The following CAMK2B variants were observed in gnomAD, a reference collection of about 807,000 sequenced individuals.
CAMK2B encodes the protein calcium/calmodulin dependent protein kinase II beta, also known as calcium/calmodulin-dependent protein kinase type II subunit beta.
In CAMK2B, 27 loss-of-function variants were observed where a neutral mutation model predicts 93.7. The observed-to-expected ratio is 0.29, with a 90% CI of 0.21 to 0.40. The LOEUF is 0.40. Ranked by LOEUF, CAMK2B falls within the 10% of genes least tolerant of loss-of-function variation. The probability of loss-of-function intolerance (pLI) is 1.00; values close to 1 mark genes in which losing one functional copy is unlikely to be tolerated. For missense variants in CAMK2B, 568 were observed against 895.8 expected (o/e 0.63, Z 4.67); for synonymous variants, 374 against 358.8 (o/e 1.04, Z -0.48).
At chr7:44,273,580 C>T (rs1239027139) in intron 2 of CAMK2B, among the ~76,000 whole-genome samples, 1 of 152,168 alleles carries the variant, frequency 6.6e-6, no homozygotes, top group African/African-American at 2.4e-5. Context: ...CCGACACATA[C>T]ACGTCCCACC....
intron 5 of CAMK2B, among the ~76,000 whole-genome samples, chr7:44,250,705 T>G (rs2096772501): frequency 6.6e-6 from 1 of 152,180 alleles, no homozygotes; most frequent in Non-Finnish European, 1.5e-5. Flanking sequence ...AATTTTTATA[T>G]TTTTAATAGA....
intron 1 of CAMK2B, among the ~76,000 whole-genome samples, chr7:44,317,248 GAAA>G (rs556397526): frequency 9.5e-6 from 1 of 105,152 alleles, no homozygotes; most frequent in Non-Finnish European, 2.0e-5. Context: ...CAGGAAAAAT[GAAA>G]AAAAAAAAAA....
At chr7:44,222,454 T>A (rs2003563) in intron 20 of CAMK2B, among the ~76,000 whole-genome samples, 2 of 151,784 alleles carry the variant, frequency 1.3e-5, no homozygotes, top group Admixed American at 6.6e-5. Context: ...TTTTTTTTTT[T>A]AGATGGAGTC....
In CAMK2B at chr7:44,271,461, T is replaced by A. The variant is rs145026573; in HGVS notation, c.161-8397A>T. 1.3e-4 allele frequency among the ~76,000 whole-genome samples: 20 copies of A among 152,302 alleles called. No homozygotes were observed. Among genetic ancestry groups the A allele is most frequent in the African/African-American group, 4.6e-4 (19 of 41,544 alleles). ...TTGACACCAGGCCAGTGGGGTCTGG[T>A]CTTTAATTCTGTTTGGCCATGACCT... is the stretch of plus-strand genomic sequence containing the variant. On this transcript the variant is annotated intron_variant, in intron 2 of 23. Coordinates refer to ENST00000395749, the MANE Select transcript of CAMK2B (RefSeq NM_001220.5). The surrounding 1 kb of genome is among the most constrained non-coding windows in gnomAD (Gnocchi z 4.2).
chr7:44,271,299 T>G lies in CAMK2B; in HGVS notation c.161-8235A>C, dbSNP rs1431347180. Among the ~76,000 whole-genome samples, 2 of 152,168 alleles carry G rather than the reference T, an allele frequency of 1.3e-5. No individual in the cohort carries two copies. The highest frequency in any genetic ancestry group is 2.9e-5 in the Non-Finnish European group (2 of 68,016). ...TGCACCCTGCCTGGTACCAACACACTTAACTCAAGCGTCCCAATTCACTTC... is the reference window on the plus strand; with the variant it reads ...TGCACCCTGCCTGGTACCAACACACGTAACTCAAGCGTCCCAATTCACTTC... On this transcript the variant is annotated intron_variant, in intron 2 of 23. Coordinates refer to ENST00000395749, the MANE Select transcript of CAMK2B (RefSeq NM_001220.5). This position sits in a 1 kb window ranked among gnomAD's most constrained non-coding sequence, Gnocchi z 4.2.
intron 1 of CAMK2B, among the ~76,000 whole-genome samples, chr7:44,323,144 C>T (rs889191071): frequency 1.3e-5 from 2 of 152,248 alleles, no homozygotes; most frequent in East Asian, 3.9e-4. Flanking sequence ...ACCCAAGAGC[C>T]GCCACAGCAG....
At chr7:44,240,551 G>T (rs1221818384) in intron 12 of CAMK2B, among the ~76,000 whole-genome samples, 156 bp downstream of exon 12, 3 of 152,250 alleles carry the variant, frequency 2.0e-5, no homozygotes, top group African/African-American at 7.2e-5. Context: ...AGCCCAGCGG[G>T]GCCAGGTGGG....
rs559232734 is a variant in CAMK2B at position 44,247,255 on chromosome 7, G to C, written c.342-63C>G. On this transcript the variant is annotated intron_variant, in intron 5 of 23. Coordinates refer to ENST00000395749, the MANE Select transcript of CAMK2B (RefSeq NM_001220.5). The stretch of plus-strand genomic sequence containing the variant: ...TGGGGAGCAGCAAGAGGAGGCACTG[G>C]GGGCAGGGGCAATGGTGCTGTGTGG... 4.7e-5 allele frequency: 64 copies of C among 1,365,450 alleles called. No individual in the cohort carries two copies. The South Asian group carries it at 7.2e-4, about 15-fold the overall frequency. 84.6% of individuals were successfully genotyped at this position (1,365,450 alleles called of 1,614,324 possible).
chr7:44,284,333 C>T, intron 1 of CAMK2B, 108 bp from the exon 2 acceptor site: 2 of 802,928 alleles, frequency 2.5e-6, no homozygotes, highest in Non-Finnish European at 4.0e-6. Flanking sequence ...CATTCAGCCA[C>T]CGGCCCGGCC....
chr7:44,304,933 TAA>T (rs370330812), intron 1 of CAMK2B, among the ~76,000 whole-genome samples: 63 of 151,558 alleles, frequency 4.2e-4, no homozygotes, highest in African/African-American at 1.4e-3. Flanking sequence ...TTTTTCATTG[TAA>T]AGAGAAAAAA....
intron 5 of CAMK2B, among the ~76,000 whole-genome samples, chr7:44,254,032 G>C (rs565700195): frequency 6.6e-6 from 1 of 152,212 alleles, no homozygotes; most frequent in South Asian, 2.1e-4. Context: ...ATCCTTGTCA[G>C]GTGTCAGGGT....
At chr7:44,228,491 AG>A in intron 19 of CAMK2B, among the ~76,000 whole-genome samples, 2 of 151,948 alleles carry the variant, frequency 1.3e-5, no homozygotes, top group South Asian at 4.1e-4. Flanking sequence ...GGGGCCTCGG[AG>A]GGGCCAGGGC....
intron 13 of CAMK2B, among the ~76,000 whole-genome samples, chr7:44,238,389 T>G (rs1266179539): frequency 1.3e-5 from 2 of 152,170 alleles, no homozygotes; most frequent in Non-Finnish European, 2.9e-5. Context: ...CACTGTCCCC[T>G]GGGCAGCAGT....
chr7:44,270,079 C>A (rs1039346674), intron 2 of CAMK2B, among the ~76,000 whole-genome samples: 7 of 152,056 alleles, frequency 4.6e-5, no homozygotes, highest in Admixed American at 2.6e-4. Flanking sequence ...AACGTACCCC[C>A]CCCCCATTCC....
chr7:44,254,530 C>T lies in CAMK2B; in HGVS notation c.341+12G>A, dbSNP rs748147527. ...GAAGAGGGACAGGACAGCGTGAGGG[C>T]TCTGCACCCACCTGGCATCAGCCTC... On this transcript the variant is annotated intron_variant, in intron 5 of 23. Coordinates refer to ENST00000395749, the MANE Select transcript of CAMK2B (RefSeq NM_001220.5). 17 of 1,603,332 alleles carry T rather than the reference C, an allele frequency of 1.1e-5. No homozygotes were observed. The highest frequency in any genetic ancestry group is 2.2e-5 in the East Asian group (1 of 44,670).
At chr7:44,288,661 G>C (rs1244289662) in intron 1 of CAMK2B, among the ~76,000 whole-genome samples, 3 of 152,156 alleles carry the variant, frequency 2.0e-5, no homozygotes, top group Admixed American at 6.5e-5. Context: ...TACTCTTTGA[G>C]TCCTTGCTTT....
intron 1 of CAMK2B, among the ~76,000 whole-genome samples, chr7:44,320,687 A>G (rs1034801411): frequency 6.6e-6 from 1 of 152,238 alleles, no homozygotes; most frequent in East Asian, 1.9e-4. Flanking sequence ...CATCACCTTA[A>G]TGCACATCTT....
chr7:44,232,837 T>C lies in CAMK2B; in HGVS notation c.1161A>G (p.Pro387=), dbSNP rs147963195. 1 of 1,613,920 alleles carries C rather than the reference T, an allele frequency of 6.2e-7. No homozygotes were observed. Among genetic ancestry groups the C allele is most frequent in the Non-Finnish European group, 8.5e-7 (1 of 1,179,912 alleles). The change falls in exon 16 of 24, where the codon CCA becomes CCG. Residue 387 remains proline (P), a synonymous_variant. Coordinates refer to ENST00000395749, the MANE Select transcript of CAMK2B (RefSeq NM_001220.5). The stretch of plus-strand genomic sequence containing the variant: ...GGGGCAGTACCTTAATCCCGTCCAC[T>C]GGGTTATGGATGACGGTGGTTTGAG... ...LEPQTTVIHN[P]VDGIKESSDS... is the part of the protein sequence containing the mutation.
chr7:44,263,147 A>G lies in CAMK2B; in HGVS notation c.161-83T>C, dbSNP rs1020832976. On this transcript the variant is annotated intron_variant, in intron 2 of 23. Transcript: ENST00000395749. ...ATCGTCCATGTCAGGAGAGGCCCACAAGGGTGTGCCAGGGCCTCTGACGAG... is the reference window on the plus strand; with the variant it reads ...ATCGTCCATGTCAGGAGAGGCCCACGAGGGTGTGCCAGGGCCTCTGACGAG... The G allele has an allele frequency of 1.7e-5, 23 of 1,323,248 alleles. No individual in the cohort carries two copies. In the Admixed American group the frequency reaches 4.0e-4, roughly 23 times the overall value. 82.0% of individuals were successfully genotyped at this position (1,323,248 alleles called of 1,614,324 possible).
Sources: gnomAD v4.1 joint callset for allele counts (sites outside exome capture counted in the v4.1 genomes callset) on GRCh38, gnomAD v4.1.1 for gene constraint, Gnocchi (gnomAD v3.1) non-coding constraint, MANE v1.5 for transcripts, NCBI Gene and HGNC (gene_info 2026-07-23, HGNC 2026-07-21) for gene names.